FCHO1: variants seen among roughly 807,000 people sequenced by gnomAD.
The protein encoded by FCHO1 is F-BAR domain only protein 1.
In FCHO1, 45 loss-of-function variants were observed where a neutral mutation model predicts 114.4. The observed-to-expected ratio is 0.39, with a 90% confidence interval of 0.31 to 0.50. FCHO1 has a LOEUF of 0.50. Ranked by LOEUF, FCHO1 falls within the 20% of genes least tolerant of loss-of-function variation. The pLI, the probability that FCHO1 is intolerant of heterozygous loss-of-function variation, is 0.77. For missense variants in FCHO1, 1,042 were observed against 1,209.6 expected (o/e 0.86, Z 2.06); for synonymous variants, 480 against 488.9 (o/e 0.98, Z 0.24).
rs573058853 is a variant in FCHO1 at position 17,756,646 on chromosome 19, C to T, written c.27+1455C>T. Among the ~76,000 whole-genome samples the T allele has an allele frequency of 6.6e-5, 10 of 152,212 alleles. No individual in the cohort carries two copies. In the South Asian group the frequency reaches 1.7e-3, roughly 25 times the overall value. ...GGAAAAAGGGATGAAATTCCTGCAC[C>T]GCCACTCCCACCCCATGCACCCCAC... On this transcript the variant is annotated intron_variant, in intron 4 of 28. Coordinates refer to ENST00000596536, the MANE Select transcript of FCHO1 (RefSeq NM_015122.3).
At chr19:17,764,660 C>G (rs914311848) in intron 6 of FCHO1, among the ~76,000 whole-genome samples, 3 of 146,872 alleles carry the variant, frequency 2.0e-5, no homozygotes, top group Admixed American at 1.3e-4. Flanking sequence ...CAAGCACCAG[C>G]AGCAACCCAG....
At chr19:17,785,523 T>G (rs926438141) in intron 26 of FCHO1, among the ~76,000 whole-genome samples, 2 of 151,578 alleles carry the variant, frequency 1.3e-5, no homozygotes, top group Non-Finnish European at 2.9e-5. Flanking sequence ...GCACCCAGCC[T>G]TACAAAAAAA....
rs763159064 is a variant in FCHO1 at position 17,781,294 on chromosome 19, T to G, written c.1691T>G (p.Leu564Arg). Residue 564 changes from leucine to arginine, a missense_variant, in exon 21 of 29, where the codon CTT becomes CGT. By Grantham distance (102) the Leu-to-Arg change is moderately radical. This residue lies in a region of FCHO1 where 455 missense variants were observed against 455.4 expected (regional missense o/e 1.00). Coordinates refer to ENST00000596536, the MANE Select transcript of FCHO1 (RefSeq NM_015122.3). Reference protein sequence around the residue: ...REGLAAPPRRLRSRKVSCPLT... With the variant: ...REGLAAPPRRRRSRKVSCPLT... The stretch of plus-strand genomic sequence containing the variant: ...GGCCTGGCAGCCCCACCCAGGAGAC[T>G]TCGCTCTAGGAAGGTGTCCTGCCCT... 9 of 1,614,022 alleles carry G rather than the reference T, an allele frequency of 5.6e-6. No individual in the cohort carries two copies. The Admixed American group carries it at 1.5e-4, about 27-fold the overall frequency.
At position 17,775,071 on chromosome 19, in the gene FCHO1, C is replaced by G. The variant is rs2287855; in HGVS notation, c.936C>G (p.Pro312=). 1 of 1,612,920 alleles carries G rather than the reference C, an allele frequency of 6.2e-7. No homozygotes were observed. Among genetic ancestry groups the G allele is most frequent in the Non-Finnish European group, 8.5e-7 (1 of 1,179,542 alleles). The change falls in exon 14 of 29, where the codon CCC becomes CCG. Residue 312 remains proline (P), a synonymous_variant. Transcript: ENST00000596536. The surrounding 1 kb of genome is among the most constrained non-coding windows in gnomAD (Gnocchi z 5.1). The part of the protein sequence containing the change: ...EPPAAVDFLE[P]DSGTCPEVDE... Reference sequence around the variant, plus strand: ...CCATCCCCAGAGATTTCCTGGAGCCCGATTCAGGGGTGAGTGATGTGGGAG... The same window carrying G: ...CCATCCCCAGAGATTTCCTGGAGCCGGATTCAGGGGTGAGTGATGTGGGAG...
intron 23 of FCHO1, 115 bp from the exon 24 acceptor site, chr19:17,782,899 ATCC>A (rs1256819056): frequency 1.8e-6 from 2 of 1,126,036 alleles, no homozygotes; most frequent in Non-Finnish European, 2.5e-6. Flanking sequence ...CATCAGGGCC[ATCC>A]TCCTAGATCC....
chr19:17,775,466 A>T lies in FCHO1; in HGVS notation c.956A>T (p.Glu319Val). Residue 319 changes from glutamate (E) to valine (V), a missense_variant, in exon 15 of 29, where the codon GAG becomes GTG. Physicochemically the swap from Glu to Val is moderately radical, Grantham distance 121. Around this residue, in one of 3 missense-constraint regions of FCHO1, gnomAD observed 450 missense variants for 564.1 expected, o/e 0.80. Coordinates refer to ENST00000596536, the MANE Select transcript of FCHO1 (RefSeq NM_015122.3). The surrounding 1 kb of genome is among the most constrained non-coding windows in gnomAD (Gnocchi z 5.1). ...FLEPDSGTCPEVDEEGFTVRP... is the reference protein window; with the variant it reads ...FLEPDSGTCPVVDEEGFTVRP... ...CCCTGACTCCCCTAGACATGTCCAG[A>T]GGTGGATGAAGAAGGTTTCACTGTC... The T allele has an allele frequency of 6.2e-7, 1 of 1,613,908 alleles. No homozygotes were observed. The highest frequency in any genetic ancestry group is 8.5e-7 in the Non-Finnish European group (1 of 1,179,946).
chr19:17,766,941 C>A, intron 7 of FCHO1, 131 bp downstream of exon 7: 1 of 1,031,344 alleles, frequency 9.7e-7, no homozygotes, highest in Non-Finnish European at 1.4e-6. Context: ...TCCACAACGT[C>A]AAGCCCAGGG....
At chr19:17,780,485 C>T (rs1180257095) in intron 20 of FCHO1, among the ~76,000 whole-genome samples, 2 of 152,108 alleles carry the variant, frequency 1.3e-5, no homozygotes, top group Non-Finnish European at 2.9e-5. Context: ...TCTTATCCAA[C>T]CCTGCAAATT....
intron 11 of FCHO1, 75 bp downstream of exon 11, chr19:17,772,816 T>C: frequency 1.8e-6 from 2 of 1,091,260 alleles, no homozygotes; most frequent in South Asian, 2.7e-5. Context: ...CATGCCCAGC[T>C]AATTTTTTTT....
chr19:17,783,160 A>C lies in FCHO1; in HGVS notation c.2081A>C (p.Asp694Ala). ...ATTGAGCACTTCCAGCCCAACGCCG[A>C]TCTGCTGTTCAGGTACTATGGAGGG... ...TAIEHFQPNA[D>A]LLFSDPSQSD... The change falls in exon 24 of 29, where the codon GAT becomes GCT. Residue 694 changes from aspartate to alanine, a missense_variant. Physicochemically the swap from Asp to Ala is moderately radical, Grantham distance 126 (BLOSUM62 -2). This residue lies in a region of FCHO1 where 455 missense variants were observed against 455.4 expected (regional missense o/e 1.00). Transcript: ENST00000596536. 2 of 1,613,910 alleles carry C rather than the reference A, an allele frequency of 1.2e-6. No individual in the cohort carries two copies. The highest frequency in any genetic ancestry group is 1.7e-6 in the Non-Finnish European group (2 of 1,179,956).
chr19:17,784,256 C>T lies in FCHO1; in HGVS notation c.2226+21C>T, dbSNP rs762299842. 56 of 1,578,662 alleles carry T rather than the reference C, an allele frequency of 3.5e-5. No homozygotes were observed. The highest frequency in any genetic ancestry group is 4.4e-5 in the Non-Finnish European group (51 of 1,162,646). ...ACCAGGTGCGCCACCCGCATGGGGC[C>T]GGGAGGAGGTGGTGGAGTGGGGGAC... On this transcript the variant is annotated intron_variant, in intron 25 of 28. Transcript: ENST00000596536. The surrounding 1 kb of genome is among the most constrained non-coding windows in gnomAD (Gnocchi z 5.3).
intron 27 of FCHO1, among the ~76,000 whole-genome samples, 189 bp from the exon 28 acceptor site, chr19:17,787,493 G>A (rs1259103343): frequency 2.0e-5 from 3 of 152,152 alleles, no homozygotes; most frequent in African/African-American, 7.2e-5. Flanking sequence ...CCCTGAGGCA[G>A]GACTCCCTTG....
At chr19:17,770,282 C>CA (rs997197511) in intron 7 of FCHO1, 143 bp from the exon 8 acceptor site, 78 of 759,890 alleles carry the variant, frequency 1.0e-4, no homozygotes, top group Non-Finnish European at 1.5e-4. Context: ...GCCTGGACAA[C>CA]AAGAGCGAAA....
intron 4 of FCHO1, chr19:17,755,545 C>A: frequency 4.9e-6 from 1 of 202,712 alleles, no homozygotes; most frequent in Admixed American, 5.4e-5. Flanking sequence ...GAACTTCCAC[C>A]CCCTTCCCAT....
chr19:17,779,841 AC>A (rs1157551374), intron 20 of FCHO1, among the ~76,000 whole-genome samples: 3 of 151,160 alleles, frequency 2.0e-5, no homozygotes, highest in Non-Finnish European at 3.0e-5. Flanking sequence ...AGGTCAGAGC[AC>A]CCCCTCCTTG....
rs140181398 is a variant in FCHO1 at position 17,770,476 on chromosome 19, G to A, written c.388G>A (p.Val130Ile). ...TLDAVQVLSG[V>I]SQLLPKSREN... is the part of the protein sequence containing the mutation. Reference sequence around the variant, plus strand: ...GGATGCTGTGCAGGTACTCTCGGGCGTCAGCCAGCTCCTGCCCAAGTCCCG... The same window carrying A: ...GGATGCTGTGCAGGTACTCTCGGGCATCAGCCAGCTCCTGCCCAAGTCCCG... Residue 130 changes from valine to isoleucine, a missense_variant, in exon 8 of 29, where the codon GTC becomes ATC. Physicochemically the swap from Val to Ile is conservative, Grantham distance 29. Around this residue, in one of 3 missense-constraint regions of FCHO1, gnomAD observed 450 missense variants for 564.1 expected, o/e 0.80. Transcript: ENST00000596536. The A allele has an allele frequency of 1.4e-4, 222 of 1,613,804 alleles. No individual in the cohort carries two copies. The highest frequency in any genetic ancestry group is 1.1e-3 in the African/African-American group (83 of 74,946).
intron 7 of FCHO1, among the ~76,000 whole-genome samples, chr19:17,767,383 C>A (rs2089670119): frequency 8.5e-6 from 1 of 117,190 alleles, no homozygotes; most frequent in African/African-American, 3.1e-5. Context: ...CATAGGGAGA[C>A]CCCATCTTTA....
intron 20 of FCHO1, among the ~76,000 whole-genome samples, chr19:17,779,530 T>G (rs2093106999): frequency 3.7e-5 from 5 of 135,142 alleles, no homozygotes; most frequent in Non-Finnish European, 6.3e-5. Flanking sequence ...TTCGGAGGAG[T>G]AAGGATGGGG....
Position 17,784,764 on chromosome 19 carries a change from A to G in FCHO1, c.2266A>G (p.Ser756Gly), listed in dbSNP as rs984894910. The change falls in exon 26 of 29, where the codon AGT becomes GGT. Residue 756 changes from serine to glycine, a missense_variant. By Grantham distance (56) the Ser-to-Gly change is moderately conservative (BLOSUM62 0). This residue lies in a region of FCHO1 where 137 missense variants were observed against 190.0 expected (regional missense o/e 0.72). Coordinates refer to ENST00000596536, the MANE Select transcript of FCHO1 (RefSeq NM_015122.3). This position sits in a 1 kb window ranked among gnomAD's most constrained non-coding sequence, Gnocchi z 5.3. ...PGPQSVPLQL[S>G]AHWQCGATLT... is the part of the protein sequence containing the mutation. ...TCCCCAGTCTGTGCCTCTGCAGCTC[A>G]GTGCCCACTGGCAGTGTGGAGCCAC... The G allele has an allele frequency of 1.2e-6, 2 of 1,613,974 alleles. No homozygotes were observed. The highest frequency in any genetic ancestry group is 4.5e-5 in the East Asian group (2 of 44,862).
Sources: gnomAD v4.1 joint callset for allele counts (sites outside exome capture counted in the v4.1 genomes callset) on GRCh38, gnomAD v4.1.1 for gene constraint, gnomAD v4.1.1 regional missense constraint, Gnocchi (gnomAD v3.1) non-coding constraint, MANE v1.5 for transcripts, NCBI Gene and HGNC (gene_info 2026-07-23, HGNC 2026-07-21) for gene names.